MAP3K20: variants seen among roughly 807,000 people sequenced by gnomAD.
MAP3K20 encodes HCCS-4.
MAP3K20 carries 40 observed loss-of-function variants against 85.7 expected under a neutral mutation model. That is an observed-to-expected ratio of 0.47 (90% CI 0.36 to 0.61). The LOEUF (loss-of-function observed/expected upper bound fraction) is 0.61, where lower values mean the gene tolerates loss of function less well. Ranked by LOEUF, MAP3K20 falls within the 20% of genes least tolerant of loss-of-function variation. The pLI, the probability that MAP3K20 is intolerant of heterozygous loss-of-function variation, is 0.00. For synonymous variants in MAP3K20, 325 were observed against 327.7 expected, an observed-to-expected ratio of 0.99 and a Z score of 0.09; for missense variants, 817 against 961.7, an observed-to-expected ratio of 0.85 and a Z score of 1.99.
chr2:173,139,046 A>C (rs929561661), intron 2 of MAP3K20, among the ~76,000 whole-genome samples: 1 of 152,212 alleles, frequency 6.6e-6, no homozygotes, highest in Non-Finnish European at 1.5e-5. Context: ...TTAACGTTTG[A>C]ACTTGGTATC....
At chr2:173,258,367 CT>C (rs1685206937) in intron 16 of MAP3K20, among the ~76,000 whole-genome samples, 1 of 152,074 alleles carries the variant, frequency 6.6e-6, no homozygotes, top group African/African-American at 2.4e-5. Flanking sequence ...TTAAATGGGT[CT>C]ATTTTAAAAG....
At chr2:173,076,357 G>C (rs1433623941) in intron 1 of MAP3K20, among the ~76,000 whole-genome samples, 4 of 152,136 alleles carry the variant, frequency 2.6e-5, no homozygotes, top group Admixed American at 2.0e-4. Flanking sequence ...GCGGTCCCGG[G>C]CGTGCGGCAC....
chr2:173,119,584 A>G (rs1688220676), intron 2 of MAP3K20, among the ~76,000 whole-genome samples: 1 of 152,254 alleles, frequency 6.6e-6, no homozygotes, highest in Admixed American at 6.5e-5. Flanking sequence ...TAGCTCCAGT[A>G]TCACGAGGCA....
rs1216916121 is a variant in MAP3K20 at position 173,267,100 on chromosome 2, AT to A, written c.*355del. On this transcript the variant is annotated 3_prime_UTR_variant, in exon 20 of 20. Coordinates refer to ENST00000375213, the MANE Select transcript of MAP3K20 (RefSeq NM_016653.3). Reference sequence around the variant, plus strand: ...AAAATGAGGTCAACAAAAAAATCAAATTTTTAGGAAAAGATAAGATGAATGT... The same window carrying A: ...AAAATGAGGTCAACAAAAAAATCAAATTTTAGGAAAAGATAAGATGAATGT... The A allele has an allele frequency of 5.9e-6, 1 of 168,338 alleles. No homozygotes were observed. Among genetic ancestry groups the A allele is most frequent in the Non-Finnish European group, 1.3e-5 (1 of 79,142 alleles). The allele number at this position is 168,338 out of a possible 1,614,324, so 10.4% of individuals were successfully genotyped here.
chr2:173,256,493 A>G (rs1685163183), intron 16 of MAP3K20, among the ~76,000 whole-genome samples: 1 of 5,962 alleles, frequency 1.7e-4, no homozygotes, highest in South Asian at 5.3e-3. Flanking sequence ...AGATAGATAG[A>G]TAGATAGATA....
chr2:173,232,337 A>G lies in MAP3K20; in HGVS notation c.1081A>G (p.Met361Val). The change falls in exon 14 of 20, where the codon ATG becomes GTG. Residue 361 changes from methionine to valine, a missense_variant. Met to Val is a conservative substitution (Grantham distance 21). Around this residue, in one of 4 missense-constraint regions of MAP3K20, gnomAD observed 158 missense variants for 162.0 expected, o/e 0.98. Coordinates refer to ENST00000375213, the MANE Select transcript of MAP3K20 (RefSeq NM_016653.3). ...LVRKGDSSAE[M>V]SVYASLFKEN... is the part of the protein sequence containing the mutation. ...TCCTTCAGGTGACTCTTCAGCAGAG[A>G]TGAGTGTATATGCAAGCTTGTTTAA... 1 of 1,614,186 alleles carries G rather than the reference A, an allele frequency of 6.2e-7. No individual in the cohort carries two copies. The highest frequency in any genetic ancestry group is 8.5e-7 in the Non-Finnish European group (1 of 1,180,026).
intron 11 of MAP3K20, among the ~76,000 whole-genome samples, chr2:173,229,331 A>G (rs750117772): frequency 7.2e-5 from 11 of 152,256 alleles, no homozygotes; most frequent in Non-Finnish European, 1.5e-4. Flanking sequence ...TTTCATTAAT[A>G]ATCCAACAGT....
intron 2 of MAP3K20, among the ~76,000 whole-genome samples, chr2:173,164,941 T>A (rs1019880537): frequency 6.6e-6 from 1 of 151,926 alleles, no homozygotes; most frequent in African/African-American, 2.4e-5. Context: ...AAACTAAAAC[T>A]TCTGTAATTT....
chr2:173,235,818 G>C (rs1412556578), intron 14 of MAP3K20, among the ~76,000 whole-genome samples: 5 of 152,214 alleles, frequency 3.3e-5, no homozygotes, highest in African/African-American at 1.2e-4. Flanking sequence ...TCTTCTTCCA[G>C]CTAGGAAGCT....
At chr2:173,248,875 T>C (rs994531483) in intron 16 of MAP3K20, among the ~76,000 whole-genome samples, 1 of 152,210 alleles carries the variant, frequency 6.6e-6, no homozygotes. Context: ...AATAGTGATG[T>C]ACATGATAAA....
At chr2:173,118,654 G>C (rs1688193067) in intron 2 of MAP3K20, among the ~76,000 whole-genome samples, 1 of 152,096 alleles carries the variant, frequency 6.6e-6, no homozygotes, top group African/African-American at 2.4e-5. Context: ...GAATGTATTT[G>C]GCAAGGAGAT....
chr2:173,258,685 GT>G lies in MAP3K20; in HGVS notation c.1360-9del, dbSNP rs746923086. On this transcript the variant is annotated splice_polypyrimidine_tract_variant and intron_variant, in intron 16 of 19. Transcript: ENST00000375213. ...TCACTTTCTCAAATTCTGTAATTTT[GT>G]TTTTAATTCCAGGATTGTAAGTGGA... 78 of 1,344,074 alleles carry G rather than the reference GT, an allele frequency of 5.8e-5. No individual in the cohort carries two copies. The highest frequency in any genetic ancestry group is 7.2e-5 in the Non-Finnish European group (73 of 1,007,002). 83.3% of individuals were successfully genotyped at this position (1,344,074 alleles called of 1,614,324 possible).
rs759454500 is a variant in MAP3K20, at chr2:173,091,023, C to T, written c.-9C>T. 142 of 1,604,824 alleles carry T rather than the reference C, an allele frequency of 8.8e-5. No homozygotes were observed. The Admixed American group carries it at 2.4e-3, about 27-fold the overall frequency. ...ATTTTGTGGAAGTATAATACTTTGT[C>T]ATTATGAGATGTCGTCTCTCGGTGC... On this transcript the variant is annotated 5_prime_UTR_variant, in exon 2 of 20. Coordinates refer to ENST00000375213, the MANE Select transcript of MAP3K20 (RefSeq NM_016653.3).
At chr2:173,188,945 G>C (rs1164252713) in intron 5 of MAP3K20, among the ~76,000 whole-genome samples, 1 of 152,152 alleles carries the variant, frequency 6.6e-6, no homozygotes, top group African/African-American at 2.4e-5. Flanking sequence ...TTCTACAAAA[G>C]AGGAATGATT....
intron 15 of MAP3K20, among the ~76,000 whole-genome samples, chr2:173,238,776 G>A (rs1214732151): frequency 6.6e-6 from 1 of 152,138 alleles, no homozygotes. Context: ...TCATACCCTG[G>A]AGCGCTCGAT....
At chr2:173,245,023 T>C (rs1167444528) in intron 16 of MAP3K20, among the ~76,000 whole-genome samples, 1 of 152,086 alleles carries the variant, frequency 6.6e-6, no homozygotes. Context: ...ACAAGTAAAA[T>C]GAAAAATGTG....
At chr2:173,232,490 C>CAAA (rs1559292269) in intron 14 of MAP3K20, 31 bp downstream of exon 14, 1 of 1,603,680 alleles carries the variant, frequency 6.2e-7, no homozygotes, top group East Asian at 2.2e-5. Flanking sequence ...ATTCCATCAG[C>CAAA]AAACCCTTTT....
Position 173,198,157 on chromosome 2 carries a change from T to C in MAP3K20, c.669+45T>C. On this transcript the variant is annotated intron_variant, in intron 8 of 19. Transcript: ENST00000375213. The surrounding 1 kb of genome is among the most constrained non-coding windows in gnomAD (Gnocchi z 5.8). ...TTCAGGTACATAGATCAGAAAACAG[T>C]ATTGGGGTTTTGCAAAAGACTTTTT... 1 of 1,536,522 alleles carries C rather than the reference T, an allele frequency of 6.5e-7. No individual in the cohort carries two copies. The highest frequency in any genetic ancestry group is 8.9e-7 in the Non-Finnish European group (1 of 1,127,666).
At chr2:173,258,911 A>G (rs1685224092) in intron 17 of MAP3K20, 96 bp downstream of exon 17, 1 of 765,646 alleles carries the variant, frequency 1.3e-6, no homozygotes, top group Middle Eastern at 2.5e-4. Flanking sequence ...GTGCTTGTCC[A>G]TGCTCACATC....
Sources: gnomAD v4.1 joint callset for allele counts (sites outside exome capture counted in the v4.1 genomes callset) on GRCh38, gnomAD v4.1.1 for gene constraint, gnomAD v4.1.1 regional missense constraint, Gnocchi (gnomAD v3.1) non-coding constraint, MANE v1.5 for transcripts, NCBI Gene and HGNC (gene_info 2026-07-23, HGNC 2026-07-21) for gene names.